SSBP2: variants seen among roughly 807,000 people sequenced by gnomAD.
The protein encoded by SSBP2 is single-stranded DNA-binding protein 2.
A neutral mutation model predicts 61.8 loss-of-function variants in SSBP2; 17 were observed. The observed-to-expected ratio is 0.28, with a 90% CI of 0.19 to 0.41. SSBP2 has a LOEUF of 0.41. SSBP2 is among the 10% of genes least tolerant of loss of function. The pLI is 1.00. For missense variants in SSBP2, 310 were observed against 458.7 expected, an observed-to-expected ratio of 0.68 and a Z score of 2.96; for synonymous variants, 139 against 141.3, an observed-to-expected ratio of 0.98 and a Z score of 0.12.
intron 4 of SSBP2, among the ~76,000 whole-genome samples, chr5:81,523,468 ATAG>A (rs1393869286): frequency 2.0e-5 from 3 of 152,050 alleles, no homozygotes; most frequent in Non-Finnish European, 2.9e-5. Flanking sequence ...TGCATCCCAA[ATAG>A]TAGGTGCCTT....
chr5:81,488,010 AATATATATATATATATATATATATAT>A lies in SSBP2; in HGVS notation c.432+1214_432+1239del, dbSNP rs59039206. Reference sequence around the variant, plus strand: ...ATTTCCTTCTTGTTTATGGCCAAATAATATATATATATATATATATATATATATATATATATATATATATATATAAA... The same window carrying A: ...ATTTCCTTCTTGTTTATGGCCAAATAATATATATATATATATATATATAAA... On this transcript the variant is annotated intron_variant, in intron 6 of 16. Coordinates refer to ENST00000320672, the MANE Select transcript of SSBP2 (RefSeq NM_012446.5). Among the ~76,000 whole-genome samples, 155 of 38,930 alleles carry A rather than the reference AATATATATATATATATATATATATAT, an allele frequency of 4.0e-3. 10 individuals are homozygous for A. Among genetic ancestry groups the A allele is most frequent in the Middle Eastern group, 0.029 (2 of 70 alleles). The allele number at this position is 38,930 out of a possible 152,430, so 25.5% of individuals were successfully genotyped here. A position where few individuals can be genotyped will look rare whatever the true frequency, so the allele number is the denominator to read the frequency against.
chr5:81,747,026 G>C (rs1025115168), intron 1 of SSBP2, among the ~76,000 whole-genome samples: 4 of 142,126 alleles, frequency 2.8e-5, no homozygotes, highest in Non-Finnish European at 4.6e-5. Context: ...AATTCCTGGG[G>C]GGGGGGGGAA....
rs867891355 is a variant in SSBP2, at chr5:81,750,987, C to G, written c.56G>C (p.Arg19Pro). ...GAGAAGCGGAGACACTTACTTCTCC[C>G]GGGCCTGGCTGTCGGACGGGACGGC... The change falls in exon 1 of 17, where the codon CGG (arginine) becomes CCG (proline). Residue 19 changes from arginine to proline, a missense_variant. Coordinates refer to ENST00000320672, the MANE Select transcript of SSBP2 (RefSeq NM_012446.5). The G allele has an allele frequency of 6.3e-7, 1 of 1,596,318 alleles. No individual in the cohort carries two copies. The highest frequency in any genetic ancestry group is 8.5e-7 in the Non-Finnish European group (1 of 1,171,540).
chr5:81,670,848 T>C (rs183599159), intron 1 of SSBP2, among the ~76,000 whole-genome samples: 208 of 152,314 alleles, frequency 1.4e-3, no homozygotes, highest in African/African-American at 4.7e-3. Flanking sequence ...CAAATCTCTG[T>C]GCTCGTCTAG....
At chr5:81,610,780 G>C (rs1250235091) in intron 4 of SSBP2, among the ~76,000 whole-genome samples, 1 of 152,270 alleles carries the variant, frequency 6.6e-6, no homozygotes, top group South Asian at 2.1e-4. Flanking sequence ...GATCACCTGA[G>C]GTTGGGAGTT....
At chr5:81,751,216 C>T, upstream of SSBP2, 2 of 667,680 alleles carry the variant, frequency 3.0e-6, no homozygotes, top group Non-Finnish European at 5.1e-6. Flanking sequence ...GCCTCCCCCT[C>T]CCTCTGGCCT....
chr5:81,515,400 G>A (rs1768940464), intron 4 of SSBP2, among the ~76,000 whole-genome samples: 1 of 151,808 alleles, frequency 6.6e-6, no homozygotes. Context: ...GACAAATTTG[G>A]AAATCACACT....
At chr5:81,453,638 A>G (rs1763933766) in intron 10 of SSBP2, among the ~76,000 whole-genome samples, 1 of 151,740 alleles carries the variant, frequency 6.6e-6, no homozygotes, top group Non-Finnish European at 1.5e-5. Flanking sequence ...TTGTATTTTT[A>G]GTAGAGACGG....
intron 1 of SSBP2, among the ~76,000 whole-genome samples, chr5:81,668,916 G>A (rs371708302): frequency 2.0e-5 from 3 of 151,902 alleles, no homozygotes; most frequent in East Asian, 1.9e-4. Flanking sequence ...TTAAAATTTT[G>A]AAACTTAAAA....
At chr5:81,654,713 G>A (rs1196236743) in intron 1 of SSBP2, among the ~76,000 whole-genome samples, 1 of 152,310 alleles carries the variant, frequency 6.6e-6, no homozygotes, top group East Asian at 1.9e-4. Flanking sequence ...GAACAGCCCG[G>A]AACAGTAATA....
At chr5:81,532,313 T>G (rs571788531) in intron 4 of SSBP2, among the ~76,000 whole-genome samples, 6 of 152,242 alleles carry the variant, frequency 3.9e-5, no homozygotes, top group Non-Finnish European at 8.8e-5. Flanking sequence ...AACTACAAAA[T>G]TCAGTGACTG....
chr5:81,559,079 T>A (rs913164777), intron 4 of SSBP2, among the ~76,000 whole-genome samples: 6 of 151,616 alleles, frequency 4.0e-5, no homozygotes, highest in African/African-American at 1.5e-4. Flanking sequence ...CATGGCGAAA[T>A]CCCATCTCTA....
intron 1 of SSBP2, among the ~76,000 whole-genome samples, chr5:81,683,676 T>C (rs1171526361): frequency 6.6e-6 from 1 of 152,066 alleles, no homozygotes; most frequent in African/African-American, 2.4e-5. Flanking sequence ...GTCAAGAGAA[T>C]GAGAAGGCAC....
intron 8 of SSBP2, 28 bp from the exon 9 acceptor site, chr5:81,467,093 A>C: frequency 3.2e-5 from 47 of 1,458,014 alleles, no homozygotes; most frequent in Non-Finnish European, 3.9e-5. Context: ...AACAAAACCA[A>C]AGAGGAGGGG....
chr5:81,740,672 C>T (rs1756954508), intron 1 of SSBP2, among the ~76,000 whole-genome samples: 1 of 152,058 alleles, frequency 6.6e-6, no homozygotes, highest in African/African-American at 2.4e-5. Context: ...TTCCTGACTC[C>T]AAAGTTTAAA....
chr5:81,494,653 C>G (rs534444280), intron 5 of SSBP2, among the ~76,000 whole-genome samples: 5 of 152,250 alleles, frequency 3.3e-5, no homozygotes, highest in African/African-American at 9.6e-5. Flanking sequence ...GACTTCCCAG[C>G]CTTCAGAACT....
intron 1 of SSBP2, among the ~76,000 whole-genome samples, chr5:81,668,512 C>A (rs945439904): frequency 2.6e-5 from 4 of 151,902 alleles, no homozygotes; most frequent in African/African-American, 4.8e-5. Flanking sequence ...TGCATTTTTA[C>A]TTCTGAAATT....
intron 1 of SSBP2, among the ~76,000 whole-genome samples, chr5:81,700,720 T>C (rs1002074688): frequency 6.6e-6 from 1 of 151,960 alleles, no homozygotes; most frequent in Non-Finnish European, 1.5e-5. Flanking sequence ...AGCACTTGCT[T>C]CTTCACTTTG....
At chr5:81,697,497 A>G (rs1298679658) in intron 1 of SSBP2, among the ~76,000 whole-genome samples, 1 of 152,236 alleles carries the variant, frequency 6.6e-6, no homozygotes, top group Non-Finnish European at 1.5e-5. Flanking sequence ...ATGTTTCATT[A>G]ATATTCCTTA....
Sources: allele counts gnomAD v4.1 joint callset (sites outside exome capture counted in the v4.1 genomes callset), GRCh38; gene constraint gnomAD v4.1.1; transcripts MANE v1.5; gene names NCBI Gene and HGNC (gene_info 2026-07-23, HGNC 2026-07-21).